Variants in STX17 observed in about 807,000 individuals in gnomAD.
STX17 encodes syntaxin 17.
Under a neutral mutation model 35.9 loss-of-function variants are expected in STX17, and 29 were observed. The ratio of observed to expected loss-of-function variants is 0.81; its 90% CI spans 0.60 to 1.10. The LOEUF (loss-of-function observed/expected upper bound fraction) is 1.10. Among genes scored for constraint, STX17 ranks in the 50% least tolerant of loss-of-function variants. STX17 has a pLI of 0.00. For synonymous variants in STX17, 92 were observed against 118.3 expected, an observed-to-expected ratio of 0.78 and a Z score of 1.44; for missense variants, 312 against 352.3, an observed-to-expected ratio of 0.89 and a Z score of 0.92.
intron 3 of STX17, among the ~76,000 whole-genome samples, chr9:99,943,332 G>A (rs899969532): frequency 2.8e-5 from 4 of 143,896 alleles, no homozygotes; most frequent in African/African-American, 7.8e-5. Context: ...TTTTGAGTTG[G>A]TGTCTCACTC....
intron 3 of STX17, chr9:99,937,996 T>C (rs1255792321): frequency 6.6e-6 from 1 of 152,248 alleles, no homozygotes; most frequent in East Asian, 1.9e-4. Context: ...CAAAACCTTT[T>C]TGAGTGCACT....
chr9:99,964,675 C>A (rs1829882953), intron 6 of STX17, among the ~76,000 whole-genome samples: 2 of 152,044 alleles, frequency 1.3e-5, no homozygotes, highest in African/African-American at 4.8e-5. Context: ...TCCTGCACCA[C>A]CATTAATGTT....
At chr9:99,954,731 T>C (rs1392903850) in intron 4 of STX17, among the ~76,000 whole-genome samples, 1 of 152,106 alleles carries the variant, frequency 6.6e-6, no homozygotes, top group East Asian at 1.9e-4. Flanking sequence ...AATCTGATTC[T>C]AAATAAATTG....
intron 4 of STX17, among the ~76,000 whole-genome samples, chr9:99,952,215 C>A (rs748489933): frequency 1.3e-5 from 2 of 151,972 alleles, no homozygotes; most frequent in Non-Finnish European, 1.5e-5. Flanking sequence ...AAAAAGTGGG[C>A]GAAGAGCATG....
At chr9:99,912,087 G>A (rs1056059260) in intron 1 of STX17, among the ~76,000 whole-genome samples, 7 of 152,156 alleles carry the variant, frequency 4.6e-5, no homozygotes, top group South Asian at 2.1e-4. Context: ...TTAGCTGGGC[G>A]TGGTGGCATG....
At chr9:99,952,422 A>G (rs1202921182) in intron 4 of STX17, among the ~76,000 whole-genome samples, 2 of 152,124 alleles carry the variant, frequency 1.3e-5, no homozygotes, top group Non-Finnish European at 2.9e-5. Flanking sequence ...ACACTTTTAC[A>G]CTGTTGGTGG....
At chr9:99,921,460 C>T (rs1354657630) in intron 2 of STX17, among the ~76,000 whole-genome samples, 4 of 151,944 alleles carry the variant, frequency 2.6e-5, no homozygotes, top group Non-Finnish European at 5.9e-5. Flanking sequence ...TGTGACCTTT[C>T]ATCTATGTTA....
At chr9:99,957,813 C>G (rs543521396) in intron 4 of STX17, among the ~76,000 whole-genome samples, 1 of 151,720 alleles carries the variant, frequency 6.6e-6, no homozygotes, top group East Asian at 1.9e-4. Context: ...GCCACCATGC[C>G]GGCTAATTTT....
chr9:99,967,544 T>G (rs1359631846), intron 6 of STX17, 109 bp from the exon 7 acceptor site: 1 of 803,260 alleles, frequency 1.2e-6, no homozygotes, highest in Admixed American at 2.1e-5. Flanking sequence ...ACTATTAAGA[T>G]GGCAAGGCTG....
intron 4 of STX17, among the ~76,000 whole-genome samples, chr9:99,954,552 C>A (rs1051760112): frequency 1.1e-4 from 16 of 152,038 alleles, no homozygotes; most frequent in Admixed American, 9.2e-4. Context: ...CATATTTGGT[C>A]TTCTAGCTGT....
chr9:99,911,655 T>C (rs2118291100), intron 1 of STX17, among the ~76,000 whole-genome samples: 1 of 152,244 alleles, frequency 6.6e-6, no homozygotes. Flanking sequence ...AAGAACACTG[T>C]TTCTTGCAGG....
At chr9:99,920,041 C>G (rs142224636) in intron 2 of STX17, among the ~76,000 whole-genome samples, 6 of 152,266 alleles carry the variant, frequency 3.9e-5, no homozygotes, top group African/African-American at 1.4e-4. Flanking sequence ...AATCACCTTT[C>G]CCAACCTCGT....
intron 3 of STX17, among the ~76,000 whole-genome samples, chr9:99,935,500 A>G (rs1229040158): frequency 2.0e-5 from 3 of 152,272 alleles, no homozygotes; most frequent in African/African-American, 4.8e-5. Flanking sequence ...ATTTGGTACA[A>G]TACCTGCTTT....
rs574814719 is a variant in STX17 at position 99,951,297 on chromosome 9, T to C, written c.415+12T>C. The C allele has an allele frequency of 5.0e-5, 81 of 1,610,068 alleles. No homozygotes were observed. The South Asian group carries it at 8.7e-4, about 17-fold the overall frequency. On this transcript the variant is annotated intron_variant, in intron 4 of 7. Coordinates refer to ENST00000259400, the MANE Select transcript of STX17 (RefSeq NM_017919.3). The stretch of plus-strand genomic sequence containing the variant: ...CATGACTGTTGGTGGTAATGTATTG[T>C]GCTAAGTCTTATTCTCAGTCACAGT...
At chr9:99,922,305 G>T (rs1828905399) in intron 2 of STX17, among the ~76,000 whole-genome samples, 1 of 152,174 alleles carries the variant, frequency 6.6e-6, no homozygotes, top group South Asian at 2.1e-4. Flanking sequence ...GGTGAGAGTG[G>T]AGGGGTAGAA....
chr9:99,966,138 T>C (rs1829907515), intron 6 of STX17, among the ~76,000 whole-genome samples: 1 of 152,182 alleles, frequency 6.6e-6, no homozygotes, highest in Non-Finnish European at 1.5e-5. Context: ...GCCTACTGGA[T>C]CAGAAACTCC....
At chr9:99,954,088 G>C (rs1829660664) in intron 4 of STX17, 1 of 151,970 alleles carries the variant, frequency 6.6e-6, no homozygotes, top group Admixed American at 6.6e-5. Context: ...CAGAGAATGA[G>C]GGAGAAGAAA....
intron 4 of STX17, among the ~76,000 whole-genome samples, chr9:99,957,588 T>A (rs1191334423): frequency 6.6e-6 from 1 of 152,150 alleles, no homozygotes; most frequent in East Asian, 1.9e-4. Context: ...ATCACCGTCA[T>A]GTTACACTGG....
chr9:99,949,307 G>A (rs1020491417), intron 3 of STX17, among the ~76,000 whole-genome samples: 6 of 152,008 alleles, frequency 3.9e-5, no homozygotes, highest in East Asian at 1.9e-4. Flanking sequence ...GTAAGATAGA[G>A]GCACAATTTT....
Sources: allele counts gnomAD v4.1 joint callset (sites outside exome capture counted in the v4.1 genomes callset), GRCh38; gene constraint gnomAD v4.1.1; transcripts MANE v1.5; gene names NCBI Gene and HGNC (gene_info 2026-07-23, HGNC 2026-07-21).